Variants in AKAP12 observed in about 807,000 individuals in gnomAD.
The protein encoded by AKAP12 is A-kinase anchoring protein 12.
Under a neutral mutation model 79.9 loss-of-function variants are expected in AKAP12, and 32 were observed. That is an observed-to-expected ratio of 0.40 (90% CI 0.30 to 0.54). The LOEUF is 0.54. AKAP12 is among the 20% of genes least tolerant of loss of function. The pLI is 0.48. For missense variants in AKAP12, 2,074 were observed against 2,177.0 expected (o/e 0.95, Z 0.94); for synonymous variants, 808 against 857.0 (o/e 0.94, Z 1.00).
intron 3 of AKAP12, among the ~76,000 whole-genome samples, chr6:151,311,960 G>C (rs1235132542): frequency 6.6e-6 from 1 of 152,168 alleles, no homozygotes; most frequent in African/African-American, 2.4e-5. Context: ...CCCCATACCT[G>C]TTTCCTCTGC....
intron 3 of AKAP12, among the ~76,000 whole-genome samples, chr6:151,310,289 C>T (rs1389922543): frequency 2.6e-5 from 4 of 151,886 alleles, no homozygotes; most frequent in Admixed American, 6.6e-5. Flanking sequence ...CGCTTGAACC[C>T]GGAGGCGGAG....
rs535640046 is a variant in AKAP12 at position 151,244,689 on chromosome 6, C to T, written c.162+3965C>T. On this transcript the variant is annotated intron_variant, in intron 2 of 4. Coordinates refer to ENST00000402676, the MANE Select transcript of AKAP12 (RefSeq NM_005100.4). Reference sequence around the variant, plus strand: ...CATCACCAGTGTTACAAAAATGGGCCAGAATTTAAGGCAAGAATTATATGT... The same window carrying T: ...CATCACCAGTGTTACAAAAATGGGCTAGAATTTAAGGCAAGAATTATATGT... 1.2e-4 allele frequency among the ~76,000 whole-genome samples: 18 copies of T among 152,216 alleles called. No homozygotes were observed. In the South Asian group the frequency reaches 3.7e-3, roughly 32 times the overall value.
intron 2 of AKAP12, among the ~76,000 whole-genome samples, chr6:151,260,250 C>T (rs1050919996): frequency 1.4e-4 from 22 of 152,078 alleles, no homozygotes; most frequent in African/African-American, 3.4e-4. Flanking sequence ...GTATCATTCC[C>T]GTTTTTAAAA....
intron 2 of AKAP12, among the ~76,000 whole-genome samples, chr6:151,256,516 T>C (rs1348903686): frequency 2.6e-5 from 4 of 152,162 alleles, no homozygotes; most frequent in African/African-American, 9.7e-5. Flanking sequence ...AAAATAATCT[T>C]AAGATATTAA....
At chr6:151,312,800 A>G (rs1380510909) in intron 3 of AKAP12, among the ~76,000 whole-genome samples, 1 of 150,956 alleles carries the variant, frequency 6.6e-6, no homozygotes, top group Non-Finnish European at 1.5e-5. Context: ...CTCCAAAAAA[A>G]AAAAAAAAAA....
chr6:151,353,177 AAAG>A lies in AKAP12; in HGVS notation c.4790_4792del (p.Glu1597del), dbSNP rs554983335. On this transcript the variant is annotated inframe_deletion, in exon 4 of 5. Coordinates refer to ENST00000402676, the MANE Select transcript of AKAP12 (RefSeq NM_005100.4). ...CCAGGACGCTGGACAGGAAACGGAG[AAAG>A]AAGGAGAGGAACCTCAGGCCTCTGC... The A allele has an allele frequency of 5.5e-4, 892 of 1,614,210 alleles. 9 individuals carry two copies. The African/African-American group carries it at 0.01, about 18-fold the overall frequency.
chr6:151,342,241 A>G (rs978652998), intron 3 of AKAP12, among the ~76,000 whole-genome samples: 2 of 152,238 alleles, frequency 1.3e-5, no homozygotes, highest in African/African-American at 4.8e-5. Flanking sequence ...GGGCTGCGCC[A>G]TGGGGAGTGT....
chr6:151,272,019 C>A (rs1392170078), intron 2 of AKAP12, among the ~76,000 whole-genome samples: 5 of 152,030 alleles, frequency 3.3e-5, no homozygotes, highest in African/African-American at 4.8e-5. Context: ...CCTCTGTTAA[C>A]CTTAAATATA....
chr6:151,348,512 G>C, intron 3 of AKAP12, 199 bp from the exon 4 acceptor site: 1 of 621,246 alleles, frequency 1.6e-6, no homozygotes. Context: ...GGTGGCATGT[G>C]CCTGTAGTCC....
chr6:151,241,734 G>C (rs1232397890), intron 2 of AKAP12, among the ~76,000 whole-genome samples: 1 of 150,490 alleles, frequency 6.6e-6, no homozygotes, highest in Non-Finnish European at 1.5e-5. Flanking sequence ...GAAAGATGTG[G>C]ATAACCATGT....
At chr6:151,325,483 G>A (rs371498468) in intron 3 of AKAP12, 3 of 985,392 alleles carry the variant, frequency 3.0e-6, no homozygotes, top group Non-Finnish European at 1.2e-6. Context: ...CACTCACAGA[G>A]CCCAGCTCGG....
At position 151,351,610 on chromosome 6, in the gene AKAP12, G is replaced by A; in HGVS notation, c.3219G>A (p.Glu1073=). ...TGCTTCAGCCTGTGCAGAGAGCAGA[G>A]GCAGAAAGACCAGAAGAGCAGGCTG... ...EDVLQPVQRA[E]AERPEEQAEA... The change falls in exon 4 of 5, where the codon GAG becomes GAA. Residue 1073 remains glutamate (E), a synonymous_variant. Transcript: ENST00000402676. This position sits in a 1 kb window ranked among gnomAD's most constrained non-coding sequence, Gnocchi z 4.4. 6.2e-7 allele frequency: 1 copy of A among 1,614,154 alleles called. No homozygotes were observed. Among genetic ancestry groups the A allele is most frequent in the Non-Finnish European group, 8.5e-7 (1 of 1,180,040 alleles).
intron 3 of AKAP12, among the ~76,000 whole-genome samples, chr6:151,322,043 G>A (rs1056555763): frequency 5.3e-5 from 8 of 151,330 alleles, no homozygotes; most frequent in African/African-American, 1.9e-4. Context: ...CTGAGTAGCT[G>A]GGATTACAGG....
intron 3 of AKAP12, among the ~76,000 whole-genome samples, chr6:151,314,029 AT>A (rs35333537): frequency 1.5e-3 from 210 of 138,656 alleles, no homozygotes; most frequent in African/African-American, 2.0e-3. Flanking sequence ...GGCTTTTCTA[AT>A]TTTTTTTTTT....
chr6:151,319,497 A>ATATCTATAC (rs1777317428), intron 3 of AKAP12: 1 of 142,114 alleles, frequency 7.0e-6, no homozygotes, highest in South Asian at 2.2e-4. Flanking sequence ...ACTATCTATA[A>ATATCTATAC]CTATCTAGAT....
chr6:151,327,403 A>T (rs1249118159), intron 3 of AKAP12, among the ~76,000 whole-genome samples: 2 of 152,282 alleles, frequency 1.3e-5, no homozygotes, highest in East Asian at 1.9e-4. Context: ...AATGAAAAAA[A>T]TTTAAAACAC....
intron 2 of AKAP12, among the ~76,000 whole-genome samples, chr6:151,262,231 A>G (rs993248459): frequency 6.6e-6 from 1 of 152,236 alleles, no homozygotes; most frequent in African/African-American, 2.4e-5. Flanking sequence ...CTGGGATAAC[A>G]GGCATGAGCC....
chr6:151,304,600 C>T (rs572038544), intron 2 of AKAP12, among the ~76,000 whole-genome samples: 69 of 148,602 alleles, frequency 4.6e-4, no homozygotes, highest in Admixed American at 8.1e-4. Context: ...TTTCTCGCTC[C>T]GTCACCCAGG....
At chr6:151,286,737 G>A (rs1338497537) in intron 2 of AKAP12, among the ~76,000 whole-genome samples, 3 of 152,082 alleles carry the variant, frequency 2.0e-5, no homozygotes, top group Non-Finnish European at 4.4e-5. Flanking sequence ...CTTTCCAGGC[G>A]TCAAAGCAGG....
Sources: gnomAD v4.1 joint callset for allele counts (sites outside exome capture counted in the v4.1 genomes callset) on GRCh38, gnomAD v4.1.1 for gene constraint, Gnocchi (gnomAD v3.1) non-coding constraint, MANE v1.5 for transcripts, NCBI Gene and HGNC (gene_info 2026-07-23, HGNC 2026-07-21) for gene names.